YLPM1: variants seen among roughly 807,000 people sequenced by gnomAD.
YLPM1 encodes the protein YLP motif-containing protein 1.
A neutral mutation model predicts 230.0 loss-of-function variants in YLPM1; 99 were observed. The observed-to-expected ratio is 0.43, with a 90% CI of 0.37 to 0.51. The LOEUF (loss-of-function observed/expected upper bound fraction) is 0.51, where lower values mean the gene tolerates loss of function less well. Ranked by LOEUF, YLPM1 falls within the 20% of genes least tolerant of loss-of-function variation. The probability of loss-of-function intolerance (pLI) is 0.00; values close to 1 mark genes in which losing one functional copy is unlikely to be tolerated. For synonymous variants in YLPM1, 984 were observed against 942.5 expected (o/e 1.04, Z -0.81); for missense variants, 2,592 against 2,707.7 (o/e 0.96, Z 0.95).
chr14:74,834,226 T>C (rs1273962349), intron 19 of YLPM1, among the ~76,000 whole-genome samples: 1 of 150,436 alleles, frequency 6.6e-6, no homozygotes, highest in African/African-American at 2.4e-5. Context: ...AAAAGCATAA[T>C]ATGTAAGAAT....
At chr14:74,814,475 T>C (rs2091461356) in intron 11 of YLPM1, among the ~76,000 whole-genome samples, 1 of 152,238 alleles carries the variant, frequency 6.6e-6, no homozygotes, top group African/African-American at 2.4e-5. Flanking sequence ...TGAGAGGATG[T>C]TGGATTTGTT....
intron 4 of YLPM1, among the ~76,000 whole-genome samples, chr14:74,785,579 A>G (rs1284273938): frequency 6.6e-6 from 1 of 152,238 alleles, no homozygotes; most frequent in Non-Finnish European, 1.5e-5. Context: ...AATCTATACT[A>G]TTAAGGAAAC....
rs2091338355 is a variant in YLPM1 at position 74,802,537 on chromosome 14, C to T, written c.4401-19C>T. ...AATAAGCATGCTTTATGTACTATGT[C>T]AATTTTATTTGTTTGCAGGGAACAG... On this transcript the variant is annotated intron_variant, in intron 5 of 20. Coordinates refer to ENST00000325680, the MANE Select transcript of YLPM1 (RefSeq NM_019589.3). 1 of 1,604,748 alleles carries T rather than the reference C, an allele frequency of 6.2e-7. No individual in the cohort carries two copies. The highest frequency in any genetic ancestry group is 1.3e-5 in the African/African-American group (1 of 74,204).
chr14:74,772,216 T>C (rs2140074151), intron 1 of YLPM1, among the ~76,000 whole-genome samples: 1 of 147,980 alleles, frequency 6.8e-6, no homozygotes, highest in Non-Finnish European at 1.5e-5. Flanking sequence ...TCAACATCTT[T>C]CTTTTTTTTT....
chr14:74,827,756 A>G, intron 18 of YLPM1: 1 of 985,386 alleles, frequency 1.0e-6, no homozygotes, highest in Middle Eastern at 5.2e-4. Flanking sequence ...TGAACCAAGA[A>G]CAGTTTTATT....
At chr14:74,835,739 C>T in intron 20 of YLPM1, 36 bp from the exon 21 acceptor site, 2 of 419,780 alleles carry the variant, frequency 4.8e-6, no homozygotes, top group African/African-American at 2.1e-5. Context: ...TTTGCCTGTT[C>T]TTTCCAGGTG....
In YLPM1 at chr14:74,835,324, T is replaced by C. The variant is rs1245275277; in HGVS notation, c.6354T>C (p.Phe2118=). The C allele has an allele frequency of 1.2e-6, 2 of 1,613,786 alleles. No individual in the cohort carries two copies. Among genetic ancestry groups the C allele is most frequent in the Non-Finnish European group, 1.7e-6 (2 of 1,179,748 alleles). ...CAGATAGGAAAAGGGCCATAGGTTT[T>C]GTGGTCGGACAGACTGATTGGGAGA... ...KDADRKRAIG[F]VVGQTDWEKI... is the part of the protein sequence containing the mutation. Residue 2118 remains phenylalanine, a synonymous_variant, in exon 20 of 21, where the codon TTT becomes TTC. Transcript: ENST00000325680.
At position 74,782,088 on chromosome 14, in the gene YLPM1, C is replaced by T. The variant is rs367692362; in HGVS notation, c.2045C>T (p.Pro682Leu). Residue 682 changes from proline (P) to leucine (L), a missense_variant, in exon 4 of 21, where the codon CCG (proline) becomes CTG (leucine). Pro to Leu is a moderately conservative substitution (Grantham distance 98). Around this residue, in one of 4 missense-constraint regions of YLPM1, gnomAD observed 1,862 missense variants for 1,819.8 expected, o/e 1.02. Coordinates refer to ENST00000325680, the MANE Select transcript of YLPM1 (RefSeq NM_019589.3). ...PTPVSFGSAP[P>L]TTYHPPLQSA... ...CCTGTGTCTTTTGGTTCTGCCCCAC[C>T]GACAACTTACCATCCTCCGTTGCAA... 161 of 1,613,870 alleles carry T rather than the reference C, an allele frequency of 1.0e-4. No individual in the cohort carries two copies. Among genetic ancestry groups the T allele is most frequent in the East Asian group, 1.8e-4 (8 of 44,896 alleles).
intron 1 of YLPM1, among the ~76,000 whole-genome samples, chr14:74,767,241 A>G (rs532149996): frequency 5.3e-5 from 8 of 152,336 alleles, no homozygotes; most frequent in South Asian, 4.1e-4. Context: ...GTTTCTTGGT[A>G]TCATCTAATA....
intron 19 of YLPM1, among the ~76,000 whole-genome samples, chr14:74,829,612 G>A (rs1376196098): frequency 1.3e-5 from 2 of 152,096 alleles, no homozygotes; most frequent in Non-Finnish European, 2.9e-5. Context: ...GTGCTATTTT[G>A]TCATGGGGCA....
intron 10 of YLPM1, among the ~76,000 whole-genome samples, chr14:74,812,257 G>C (rs933511257): frequency 6.6e-6 from 1 of 152,064 alleles, no homozygotes; most frequent in Non-Finnish European, 1.5e-5. Flanking sequence ...TTAGGAACAG[G>C]CTCTCCTAAG....
At chr14:74,816,746 T>C (rs1019395806) in intron 13 of YLPM1, 56 bp downstream of exon 13, 7 of 1,542,158 alleles carry the variant, frequency 4.5e-6, no homozygotes, top group African/African-American at 1.4e-5. Flanking sequence ...TAAAGGAAAA[T>C]GTGTTTGGAG....
At position 74,801,712 on chromosome 14, in the gene YLPM1, A is replaced by C. The variant is rs376150261; in HGVS notation, c.4401-844A>C. ...GTTTCATCTAACATGGGCAGCCTCTACTGCACTCAGCTGATTGTTGGCATG... is the reference window on the plus strand; with the variant it reads ...GTTTCATCTAACATGGGCAGCCTCTCCTGCACTCAGCTGATTGTTGGCATG... On this transcript the variant is annotated intron_variant, in intron 5 of 20. Transcript: ENST00000325680. Among the ~76,000 whole-genome samples the C allele has an allele frequency of 2.5e-4, 38 of 152,312 alleles. No homozygotes were observed. In the South Asian group the frequency reaches 7.5e-3, roughly 30 times the overall value.
In YLPM1 at chr14:74,816,273, T is replaced by C. The variant is rs753475484; in HGVS notation, c.5565+8T>C. On this transcript the variant is annotated splice_region_variant and intron_variant, in intron 12 of 20. Transcript: ENST00000325680. ...GTTGCAAAACTTATTCGAGTGAGTA[T>C]GGGGAAGCTGAAAAATCAGCTGCTT... 5 of 1,609,942 alleles carry C rather than the reference T, an allele frequency of 3.1e-6. No homozygotes were observed. Among genetic ancestry groups the C allele is most frequent in the Non-Finnish European group, 4.2e-6 (5 of 1,178,166 alleles).
intron 6 of YLPM1, among the ~76,000 whole-genome samples, chr14:74,804,685 G>C (rs931779667): frequency 1.3e-5 from 2 of 152,066 alleles, no homozygotes; most frequent in Non-Finnish European, 2.9e-5. Context: ...ACTAGTCTTT[G>C]TTGTCATCTT....
At chr14:74,808,481 G>A (rs2091400344) in intron 6 of YLPM1, among the ~76,000 whole-genome samples, 3 of 152,046 alleles carry the variant, frequency 2.0e-5, no homozygotes, top group Non-Finnish European at 2.9e-5. Context: ...GATAGATACC[G>A]AGAAATGAAA....
chr14:74,828,098 T>A, intron 18 of YLPM1: 1 of 768,820 alleles, frequency 1.3e-6, no homozygotes, highest in Non-Finnish European at 1.6e-6. Flanking sequence ...TTGTAACAGT[T>A]GTGTGTAAAA....
chr14:74,795,891 G>T (rs2091255811), intron 4 of YLPM1, among the ~76,000 whole-genome samples: 1 of 152,200 alleles, frequency 6.6e-6, no homozygotes, highest in South Asian at 2.1e-4. Context: ...CAGGAATCCA[G>T]TTCCTTCTGA....
chr14:74,774,982 GTGAATACATATCACT>G (rs1167373158), intron 1 of YLPM1, among the ~76,000 whole-genome samples: 7 of 152,196 alleles, frequency 4.6e-5, no homozygotes, highest in Non-Finnish European at 1.0e-4. Flanking sequence ...ATGGTTTCCA[GTGAATACATATCACT>G]TTCACACCAC....
Sources: gnomAD v4.1 joint callset for allele counts (sites outside exome capture counted in the v4.1 genomes callset) on GRCh38, gnomAD v4.1.1 for gene constraint, gnomAD v4.1.1 regional missense constraint, MANE v1.5 for transcripts, NCBI Gene and HGNC (gene_info 2026-07-23, HGNC 2026-07-21) for gene names.